Variants in TBC1D8B observed in about 807,000 individuals in gnomAD.
TBC1D8B encodes the protein RP11-321G1.1.
A neutral mutation model predicts 82.9 loss-of-function variants in TBC1D8B; 75 were observed. That is an observed-to-expected ratio of 0.90 (90% CI 0.75 to 1.10). The LOEUF (loss-of-function observed/expected upper bound fraction) is 1.10, where lower values mean the gene tolerates loss of function less well. TBC1D8B is among the 50% of genes least tolerant of loss of function. The pLI is 0.00. For missense variants in TBC1D8B, 794 were observed against 796.9 expected, an observed-to-expected ratio of 1.00 and a Z score of 0.04; for synonymous variants, 276 against 276.8, an observed-to-expected ratio of 1.00 and a Z score of 0.03.
intron 18 of TBC1D8B, among the ~76,000 whole-genome samples, chrX:106,868,980 G>C (rs939255529): frequency 1.8e-5 from 2 of 111,313 alleles, no homozygotes; most frequent in Admixed American, 9.6e-5. Context: ...GTATATTTGT[G>C]GTTATTATAT....
At chrX:106,845,672 T>C (rs1483771770) in intron 10 of TBC1D8B, among the ~76,000 whole-genome samples, 1 of 111,616 alleles carries the variant, frequency 9.0e-6, no homozygotes, top group Non-Finnish European at 1.9e-5. Context: ...TAAGAATACA[T>C]ACAACTGTGA....
intron 1 of TBC1D8B, among the ~76,000 whole-genome samples, chrX:106,811,636 T>C (rs1033788366): frequency 8.9e-6 from 1 of 112,301 alleles, no homozygotes; most frequent in African/African-American, 3.2e-5. Flanking sequence ...GTTTAGTTCT[T>C]CTAAATAATG....
chrX:106,828,311 C>T (rs763030615), intron 7 of TBC1D8B: 38 of 114,043 alleles, frequency 3.3e-4, no homozygotes, highest in East Asian at 5.5e-4. Context: ...AGCTTAACAA[C>T]GAAAAAGAGC....
Position 106,839,324 on chromosome X carries a change from A to G in TBC1D8B, c.1220A>G (p.Glu407Gly), listed in dbSNP as rs748940803. ...CTTTTTCAGCTTGCTATTAGTTCTG[A>G]GTCTACAGAGCCATCTGATAATTTT... Reference protein sequence around the residue: ...DISTELAISSESTEPSDNFEV... With the variant: ...DISTELAISSGSTEPSDNFEV... The change falls in exon 8 of 21, where the codon GAG (glutamate) becomes GGG (glycine). Residue 407 changes from glutamate to glycine, a missense_variant. Transcript: ENST00000357242. 1 of 1,159,552 alleles carries G rather than the reference A, an allele frequency of 8.6e-7. No individual in the cohort carries two copies. Among genetic ancestry groups the G allele is most frequent in the East Asian group, 3.0e-5 (1 of 32,928 alleles).
At position 106,822,173 on chromosome X, in the gene TBC1D8B, G is replaced by A. The variant is rs1437346319; in HGVS notation, c.557G>A (p.Ser186Asn). 2 of 1,203,884 alleles carry A rather than the reference G, an allele frequency of 1.7e-6. No homozygotes were observed. The highest frequency in any genetic ancestry group is 4.5e-5 in the Admixed American group (2 of 44,472). The change falls in exon 4 of 21, where the codon AGC becomes AAC. Residue 186 changes from serine (S) to asparagine (N), a missense_variant. By Grantham distance (46) the Ser-to-Asn change is conservative. Coordinates refer to ENST00000357242, the MANE Select transcript of TBC1D8B (RefSeq NM_017752.3). ...GWLYLSTNFL[S>N]FYSFLLGSEI... ...CTTTATCTTAGCACCAACTTTCTGAGCTTCTATTCTTTTTTGTTGGGATCA... is the reference window on the plus strand; with the variant it reads ...CTTTATCTTAGCACCAACTTTCTGAACTTCTATTCTTTTTTGTTGGGATCA...
intron 7 of TBC1D8B, among the ~76,000 whole-genome samples, chrX:106,831,759 T>C (rs886723409): frequency 5.4e-5 from 6 of 111,759 alleles, no homozygotes; most frequent in African/African-American, 1.6e-4. Context: ...TCTACAGTTT[T>C]CTAGTTTCTC....
rs771998086 is a variant in TBC1D8B, at chrX:106,842,576, G to T, written c.1719+1692G>T. 4.9e-4 allele frequency among the ~76,000 whole-genome samples: 52 copies of T among 107,016 alleles called. 1 individual carries two copies. The highest frequency in any genetic ancestry group is 7.0e-4 in the Non-Finnish European group (36 of 51,637). 92.9% of individuals were successfully genotyped at this position (107,016 alleles called of 115,157 possible). ...TTGTTGGTTTTGATCAAAAACCCAC[G>T]TGAGACACATGGCTGGCTAGCTTGC... On this transcript the variant is annotated intron_variant, in intron 10 of 20. Coordinates refer to ENST00000357242, the MANE Select transcript of TBC1D8B (RefSeq NM_017752.3).
chrX:106,840,286 A>G (rs1322538901), intron 9 of TBC1D8B, 88 bp downstream of exon 9: 6 of 935,230 alleles, frequency 6.4e-6, no homozygotes, highest in Non-Finnish European at 8.8e-6. Flanking sequence ...AAAGAATTAC[A>G]AAGATGGTTA....
intron 7 of TBC1D8B, chrX:106,828,248 T>A (rs199750655): frequency 2.6e-3 from 211 of 82,496 alleles, no homozygotes; most frequent in South Asian, 4.7e-3. Context: ...CAGGAAGAAG[T>A]TGAATCTCTG....
rs372393599 is a variant in TBC1D8B at position 106,818,707 on chromosome X, A to C, written c.175A>C (p.Lys59Gln). 2.5e-6 allele frequency: 3 copies of C among 1,209,083 alleles called. No homozygotes were observed. In the South Asian group the frequency reaches 5.3e-5, roughly 21 times the overall value. Residue 59 changes from lysine to glutamine, a missense_variant, in exon 2 of 21, where the codon AAA (lysine) becomes CAA (glutamine). Coordinates refer to ENST00000357242, the MANE Select transcript of TBC1D8B (RefSeq NM_017752.3). Reference protein sequence around the residue: ...TLDSVLDSTAKVAPFRILHQT... With the variant: ...TLDSVLDSTAQVAPFRILHQT... ...TGATTCAGTCTTGGACTCTACTGCT[A>C]AAGTAGCTCCATTTCGCATCCTACA... is the stretch of plus-strand genomic sequence containing the variant.
In TBC1D8B at chrX:106,827,225, A is replaced by G. The variant is rs1420215033; in HGVS notation, c.1091A>G (p.Lys364Arg). Residue 364 changes from lysine (K) to arginine (R), a missense_variant, in exon 7 of 21, where the codon AAA (lysine) becomes AGA (arginine). Lys to Arg is a conservative substitution (Grantham distance 26). Transcript: ENST00000357242. Reference sequence around the variant, plus strand: ...AGCAAATCTGTCATCATTAGCATCAAAGGAAAAACAGCTTTTCGCTTCCAT... The same window carrying G: ...AGCAAATCTGTCATCATTAGCATCAGAGGAAAAACAGCTTTTCGCTTCCAT... ...DSSKSVIISI[K>R]GKTAFRFHEV... 1 of 1,211,264 alleles carries G rather than the reference A, an allele frequency of 8.3e-7. No homozygotes were observed. Among genetic ancestry groups the G allele is most frequent in the South Asian group, 1.8e-5 (1 of 56,975 alleles).
intron 5 of TBC1D8B, among the ~76,000 whole-genome samples, chrX:106,823,862 AT>A (rs930310777): frequency 6.3e-5 from 7 of 111,074 alleles, no homozygotes; most frequent in African/African-American, 2.3e-4. Context: ...TACAGAAAAC[AT>A]TTTTTAATGA....
chrX:106,830,288 G>C (rs1314972730), intron 7 of TBC1D8B, among the ~76,000 whole-genome samples: 1 of 111,523 alleles, frequency 9.0e-6, no homozygotes, highest in African/African-American at 3.3e-5. Context: ...TAAAAAGTCA[G>C]GAAACAGCAG....
Position 106,802,956 on chromosome X carries a change from G to C in TBC1D8B, c.103G>C (p.Gly35Arg), listed in dbSNP as rs756295158. Residue 35 changes from glycine to arginine, a missense_variant, in exon 1 of 21, where the codon GGG becomes CGG. Gly to Arg is a moderately radical substitution (Grantham distance 125). Coordinates refer to ENST00000357242, the MANE Select transcript of TBC1D8B (RefSeq NM_017752.3). ...CGTGCTGCAGCGGCGTCGGGGCTAC[G>C]GGGAGGAAGGCGGAGGGGGGCTCAC... ...YFVLQRRRGY[G>R]EEGGGGLTGL... is the part of the protein sequence containing the mutation. 9.1e-6 allele frequency: 11 copies of C among 1,209,636 alleles called. No individual in the cohort carries two copies. The Admixed American group carries it at 2.2e-4, about 24-fold the overall frequency.
intron 12 of TBC1D8B, among the ~76,000 whole-genome samples, chrX:106,852,050 A>G (rs1307076258): frequency 2.9e-4 from 32 of 108,650 alleles, no homozygotes; most frequent in African/African-American, 1.0e-3. Flanking sequence ...AAGTGTTCCT[A>G]TTTCTCCACA....
At chrX:106,855,651 C>A (rs183260307) in intron 14 of TBC1D8B, among the ~76,000 whole-genome samples, 1 of 111,916 alleles carries the variant, frequency 8.9e-6, no homozygotes, top group Admixed American at 9.5e-5. Context: ...ATATGTCTCC[C>A]TTTTTTGCTC....
intron 1 of TBC1D8B, 43 bp from the exon 2 acceptor site, chrX:106,818,616 TTATC>T: frequency 1.0e-6 from 1 of 958,771 alleles, no homozygotes; most frequent in Non-Finnish European, 1.5e-6. Flanking sequence ...CAGATTTGAT[TTATC>T]TCTTGTAAAG....
chrX:106,813,392 T>G (rs1931436341), intron 1 of TBC1D8B, among the ~76,000 whole-genome samples: 1 of 111,724 alleles, frequency 9.0e-6, no homozygotes, highest in Admixed American at 9.5e-5. Flanking sequence ...AATTATTTCT[T>G]GCATAGTTTT....
At position 106,874,059 on chromosome X, in the gene TBC1D8B, T is replaced by G; in HGVS notation, c.*94T>G. 1.0e-6 allele frequency: 1 copy of G among 980,327 alleles called. No individual in the cohort carries two copies. Among genetic ancestry groups the G allele is most frequent in the Non-Finnish European group, 1.4e-6 (1 of 732,968 alleles). The allele number at this position is 980,327 out of a possible 1,213,427, so 80.8% of individuals were successfully genotyped here. ...AGTAGGGCTCAGGGATTTATCTTGT[T>G]ACCAATGTGTCTGAAGGCCAAAATA... On this transcript the variant is annotated 3_prime_UTR_variant, in exon 21 of 21. Coordinates refer to ENST00000357242, the MANE Select transcript of TBC1D8B (RefSeq NM_017752.3).
Sources: allele counts gnomAD v4.1 joint callset (sites outside exome capture counted in the v4.1 genomes callset), GRCh38; gene constraint gnomAD v4.1.1; transcripts MANE v1.5; gene names NCBI Gene and HGNC (gene_info 2026-07-23, HGNC 2026-07-21).